Variants in MCPH1 observed in about 807,000 individuals in gnomAD.
The protein encoded by MCPH1 is microcephalin.
MCPH1 carries 104 observed loss-of-function variants against 84.5 expected under a neutral mutation model. The ratio of observed to expected loss-of-function variants is 1.23; its 90% CI spans 1.05 to 1.45. The LOEUF (loss-of-function observed/expected upper bound fraction) is 1.45, where lower values mean the gene tolerates loss of function less well. Among genes scored for constraint, MCPH1 ranks in the 40% most tolerant of loss-of-function variants. The pLI, the probability that MCPH1 is intolerant of heterozygous loss-of-function variation, is 0.00. For synonymous variants in MCPH1, 514 were observed against 366.8 expected, an observed-to-expected ratio of 1.40 and a Z score of -4.58; for missense variants, 1,498 against 1,005.7, an observed-to-expected ratio of 1.49 and a Z score of -6.62.
intron 9 of MCPH1, among the ~76,000 whole-genome samples, chr8:6,455,548 C>T (rs907394904): frequency 6.6e-6 from 1 of 152,150 alleles, no homozygotes; most frequent in African/African-American, 2.4e-5. Context: ...TGTTTCTTGC[C>T]ATTTTATAAT....
intron 12 of MCPH1, among the ~76,000 whole-genome samples, chr8:6,576,727 T>A (rs1256110327): frequency 2.8e-5 from 3 of 108,320 alleles, no homozygotes; most frequent in African/African-American, 3.7e-5. Flanking sequence ...TTTTTTTTTT[T>A]AGTAGAGATG....
chr8:6,586,626 GCAAA>G (rs1351572442), intron 12 of MCPH1, among the ~76,000 whole-genome samples: 1 of 152,220 alleles, frequency 6.6e-6, no homozygotes, highest in East Asian at 1.9e-4. Flanking sequence ...TGAAATAAAG[GCAAA>G]CAGTGAGAGA....
intron 2 of MCPH1, among the ~76,000 whole-genome samples, chr8:6,412,122 C>T (rs1417234297): frequency 5.3e-5 from 8 of 152,194 alleles, no homozygotes; most frequent in African/African-American, 1.4e-4. Flanking sequence ...TGTTTGACCT[C>T]CCTAATGCCT....
At chr8:6,487,208 C>G (rs946529725) in intron 11 of MCPH1, among the ~76,000 whole-genome samples, 3 of 152,206 alleles carry the variant, frequency 2.0e-5, no homozygotes, top group Non-Finnish European at 4.4e-5. Context: ...GTCAAGGCCG[C>G]TAACTATCAA....
chr8:6,446,289 G>T lies in MCPH1; in HGVS notation c.1825+742G>T, dbSNP rs184563948. On this transcript the variant is annotated intron_variant, in intron 8 of 13. Transcript: ENST00000344683. ...CAGCAACCAAAATTGAAGAAATCTT[G>T]AACTTTGACCGTCTTTACCTAAAGA... 7.7e-5 allele frequency: 76 copies of T among 985,134 alleles called. 1 individual carries two copies. The Admixed American group carries it at 2.1e-3, about 28-fold the overall frequency. The allele number at this position is 985,134 out of a possible 1,614,324, so 61.0% of individuals were successfully genotyped here.
intron 12 of MCPH1, among the ~76,000 whole-genome samples, chr8:6,507,199 T>G (rs997990619): frequency 6.6e-6 from 1 of 152,078 alleles, no homozygotes; most frequent in African/African-American, 2.4e-5. Context: ...TGCCCAGCCC[T>G]ATTAATGATT....
At chr8:6,486,797 A>G (rs1434482423) in intron 11 of MCPH1, among the ~76,000 whole-genome samples, 1 of 152,192 alleles carries the variant, frequency 6.6e-6, no homozygotes, top group Non-Finnish European at 1.5e-5. Flanking sequence ...AAATAAAGAA[A>G]TTAATTTGAC....
Position 6,455,172 on chromosome 8 carries a change from G to C in MCPH1, c.1855G>C (p.Val619Leu). ...SVKNRPTRHD[V>L]LDDSCDGFKD... is the part of the protein sequence containing the mutation. ...TAAAAATAGACCAACAAGGCATGAT[G>C]TTTTAGATGACTCATGTGACGGCTT... The change falls in exon 9 of 14, where the codon GTT (valine) becomes CTT (leucine). Residue 619 changes from valine to leucine, a missense_variant. Coordinates refer to ENST00000344683, the MANE Select transcript of MCPH1 (RefSeq NM_024596.5). 6.2e-7 allele frequency: 1 copy of C among 1,614,040 alleles called. No homozygotes were observed. The highest frequency in any genetic ancestry group is 8.5e-7 in the Non-Finnish European group (1 of 1,179,956).
chr8:6,481,942 C>G (rs1162751673), intron 11 of MCPH1, among the ~76,000 whole-genome samples: 1 of 152,156 alleles, frequency 6.6e-6, no homozygotes, highest in African/African-American at 2.4e-5. Flanking sequence ...ATTTATAAGT[C>G]TTTAAATGCA....
intron 12 of MCPH1, among the ~76,000 whole-genome samples, chr8:6,524,551 C>T (rs1008270019): frequency 1.3e-5 from 2 of 152,196 alleles, no homozygotes; most frequent in African/African-American, 4.8e-5. Context: ...TAGTTGGGTT[C>T]AGATCACGTC....
At chr8:6,464,118 A>G (rs1220859908) in intron 9 of MCPH1, among the ~76,000 whole-genome samples, 1 of 152,204 alleles carries the variant, frequency 6.6e-6, no homozygotes, top group Non-Finnish European at 1.5e-5. Context: ...CGCTGTACGC[A>G]GAAAGATAGG....
Position 6,587,493 on chromosome 8 carries a change from T to C in MCPH1, c.2215-33961T>C, listed in dbSNP as rs1332849083. On this transcript the variant is annotated intron_variant, in intron 12 of 13. Coordinates refer to ENST00000344683, the MANE Select transcript of MCPH1 (RefSeq NM_024596.5). ...TGCGATCACCCCTACACTGAAGATATAGAACACTGTTTCTCGTCTGGTGAT... is the reference window on the plus strand; with the variant it reads ...TGCGATCACCCCTACACTGAAGATACAGAACACTGTTTCTCGTCTGGTGAT... Among the ~76,000 whole-genome samples, 3 of 152,330 alleles carry C rather than the reference T, an allele frequency of 2.0e-5. No homozygotes were observed. In the East Asian group the frequency reaches 5.8e-4, roughly 29 times the overall value.
rs1804223299 is a variant in MCPH1, at chr8:6,445,556, A to G, written c.1825+9A>G. On this transcript the variant is annotated intron_variant, in intron 8 of 13. Coordinates refer to ENST00000344683, the MANE Select transcript of MCPH1 (RefSeq NM_024596.5). Reference sequence around the variant, plus strand: ...CGGAGGATACAGTGGAAGTATGTGAATCTCCTTTTCCAAGTCACCTTCGCT... The same window carrying G: ...CGGAGGATACAGTGGAAGTATGTGAGTCTCCTTTTCCAAGTCACCTTCGCT... The G allele has an allele frequency of 6.4e-7, 1 of 1,569,772 alleles. No homozygotes were observed. The highest frequency in any genetic ancestry group is 8.6e-7 in the Non-Finnish European group (1 of 1,161,386).
At chr8:6,463,922 A>AT (rs1806558137) in intron 9 of MCPH1, among the ~76,000 whole-genome samples, 1 of 152,168 alleles carries the variant, frequency 6.6e-6, no homozygotes, top group Non-Finnish European at 1.5e-5. Flanking sequence ...TGTAGCTTTG[A>AT]TTTTAAATTT....
chr8:6,623,813 C>T (rs1831762647), intron 13 of MCPH1, among the ~76,000 whole-genome samples: 1 of 149,178 alleles, frequency 6.7e-6, no homozygotes, highest in South Asian at 2.1e-4. Context: ...TGTTCTGAAA[C>T]AGAGGTTGTT....
At chr8:6,429,595 T>C (rs1320216439) in intron 3 of MCPH1, among the ~76,000 whole-genome samples, 2 of 152,104 alleles carry the variant, frequency 1.3e-5, no homozygotes, top group Non-Finnish European at 2.9e-5. Context: ...TTTTTGTTGG[T>C]TTATGTCTTT....
At chr8:6,419,495 C>G (rs575606266) in intron 3 of MCPH1, among the ~76,000 whole-genome samples, 13 of 151,850 alleles carry the variant, frequency 8.6e-5, no homozygotes, top group Non-Finnish European at 1.8e-4. Context: ...CAGGTTCATG[C>G]CATTCTCCTG....
At chr8:6,472,845 T>C (rs754283913) in intron 9 of MCPH1, among the ~76,000 whole-genome samples, 1 of 152,170 alleles carries the variant, frequency 6.6e-6, no homozygotes, top group Non-Finnish European at 1.5e-5. Context: ...TATCAAGAAA[T>C]TTTGAATACC....
chr8:6,611,636 A>T (rs1033813023), intron 12 of MCPH1, among the ~76,000 whole-genome samples: 13 of 135,312 alleles, frequency 9.6e-5, no homozygotes, highest in African/African-American at 2.9e-4. Context: ...ATTTTTTTTT[A>T]AAGACATAGT....
Sources: gnomAD v4.1 joint callset for allele counts (sites outside exome capture counted in the v4.1 genomes callset) on GRCh38, gnomAD v4.1.1 for gene constraint, MANE v1.5 for transcripts, NCBI Gene and HGNC (gene_info 2026-07-23, HGNC 2026-07-21) for gene names.